The following UGDH variants were observed in gnomAD, a reference collection of about 807,000 sequenced individuals.
UGDH encodes the protein UDP-Glc dehydrogenase.
UGDH carries 38 observed loss-of-function variants against 50.6 expected under a neutral mutation model. The observed-to-expected ratio is 0.75, with a 90% CI of 0.58 to 0.98. UGDH has a LOEUF of 0.98. Ranked by LOEUF, UGDH falls within the 50% of genes least tolerant of loss-of-function variation. The pLI is 0.00. For missense variants in UGDH, 465 were observed against 606.2 expected (o/e 0.77, Z 2.45); for synonymous variants, 168 against 199.9 (o/e 0.84, Z 1.35).
At chr4:39,524,245 C>G (rs1746786366) in intron 1 of UGDH, among the ~76,000 whole-genome samples, 1 of 152,176 alleles carries the variant, frequency 6.6e-6, no homozygotes, top group African/African-American at 2.4e-5. Context: ...AATGTAGAAT[C>G]AGTGTCTACT....
intron 11 of UGDH, among the ~76,000 whole-genome samples, chr4:39,503,205 G>A (rs571373319): frequency 7.2e-5 from 11 of 152,066 alleles, no homozygotes; most frequent in East Asian, 5.8e-4. Flanking sequence ...GTGAGCCACC[G>A]CGCCCAGCAA....
At chr4:39,520,264 G>A (rs778201825) in intron 2 of UGDH, among the ~76,000 whole-genome samples, 14 of 152,152 alleles carry the variant, frequency 9.2e-5, no homozygotes, top group East Asian at 3.8e-4. Flanking sequence ...GCTTGAACAC[G>A]GAAGGCAGGT....
Position 39,505,352 on chromosome 4 carries a change from A to G in UGDH, c.1056T>C (p.Tyr352=), listed in dbSNP as rs1229675730. 9 of 1,571,750 alleles carry G rather than the reference A, an allele frequency of 5.7e-6. No individual in the cohort carries two copies. The Admixed American group carries it at 7.3e-5, about 13-fold the overall frequency. ...TGDTRESSSI[Y]ISKYLMDEGA... is the part of the protein sequence containing the mutation. ...CTTCATCCATCAAATATTTGCTAATATATATACTAGAAGATTCTCTATAGG... is the reference window on the plus strand; with the variant it reads ...CTTCATCCATCAAATATTTGCTAATGTATATACTAGAAGATTCTCTATAGG... Residue 352 remains tyrosine, a synonymous_variant, in exon 9 of 12, where the codon TAT becomes TAC. Transcript: ENST00000316423.
At chr4:39,513,083 C>T (rs1179813515) in intron 3 of UGDH, among the ~76,000 whole-genome samples, 3 of 152,184 alleles carry the variant, frequency 2.0e-5, no homozygotes, top group African/African-American at 7.2e-5. Context: ...GCTGGGATTA[C>T]AAGCATGAGC....
chr4:39,518,646 A>G (rs1352442268), intron 2 of UGDH, among the ~76,000 whole-genome samples: 1 of 150,292 alleles, frequency 6.7e-6, no homozygotes, highest in Non-Finnish European at 1.5e-5. Flanking sequence ...AAGAAAAGGA[A>G]CAGGGGTCTT....
intron 9 of UGDH, 150 bp downstream of exon 9, chr4:39,505,087 T>C (rs1745974708): frequency 1.4e-6 from 1 of 727,572 alleles, no homozygotes; most frequent in Non-Finnish European, 2.1e-6. Flanking sequence ...GTTGATGACA[T>C]TATGCCTAAG....
At chr4:39,509,706 T>C (rs997965352) in intron 6 of UGDH, 54 bp downstream of exon 6, 2 of 1,561,994 alleles carry the variant, frequency 1.3e-6, no homozygotes, top group Admixed American at 2.0e-5. Flanking sequence ...GCAAATAATA[T>C]GCCTTCAGTA....
At chr4:39,500,384 G>T in intron 11 of UGDH, 131 bp from the exon 12 acceptor site, 1 of 557,282 alleles carries the variant, frequency 1.8e-6, no homozygotes, top group Non-Finnish European at 3.2e-6. Flanking sequence ...TGTCTGAGTT[G>T]CTATGAGAGA....
At chr4:39,515,268 CTA>C (rs1001250036) in intron 2 of UGDH, among the ~76,000 whole-genome samples, 1 of 152,168 alleles carries the variant, frequency 6.6e-6, no homozygotes, top group African/African-American at 2.4e-5. Flanking sequence ...TAACCATTAA[CTA>C]TGAGTATCAA....
intron 1 of UGDH, 182 bp downstream of exon 1, chr4:39,527,100 TC>T: frequency 2.3e-6 from 3 of 1,289,218 alleles, no homozygotes; most frequent in Non-Finnish European, 3.0e-6. Context: ...GGACAGCAGT[TC>T]CAAAATGCGG....
At chr4:39,502,929 T>C (rs1291922768) in intron 11 of UGDH, among the ~76,000 whole-genome samples, 1 of 152,044 alleles carries the variant, frequency 6.6e-6, no homozygotes, top group Non-Finnish European at 1.5e-5. Flanking sequence ...ATTATTTTTT[T>C]TTCCCAAAAC....
chr4:39,521,647 G>A (rs189757025), intron 1 of UGDH, 128 bp from the exon 2 acceptor site: 19 of 743,552 alleles, frequency 2.6e-5, no homozygotes, highest in Admixed American at 2.4e-4. Flanking sequence ...TCCTACATTC[G>A]CTCTGAGGAA....
chr4:39,506,177 G>A (rs957474589), intron 7 of UGDH, among the ~76,000 whole-genome samples: 6 of 145,378 alleles, frequency 4.1e-5, no homozygotes, highest in Admixed American at 1.4e-4. Context: ...GCAGTGAGCC[G>A]AGATCATGCC....
intron 2 of UGDH, among the ~76,000 whole-genome samples, chr4:39,517,935 T>C (rs941484584): frequency 6.6e-6 from 1 of 152,158 alleles, no homozygotes; most frequent in African/African-American, 2.4e-5. Flanking sequence ...TTTGTTTGTT[T>C]GTTTGTTTTT....
chr4:39,520,520 A>G (rs557397605), intron 2 of UGDH, among the ~76,000 whole-genome samples: 1 of 152,078 alleles, frequency 6.6e-6, no homozygotes, highest in Non-Finnish European at 1.5e-5. Flanking sequence ...AGCTCAGTAA[A>G]ATAGTTAGAA....
Position 39,521,265 on chromosome 4 carries a change from A to G in UGDH, c.162+86T>C, listed in dbSNP as rs10025073. The G allele has an allele frequency of 1.7e-3, 2,265 of 1,319,766 alleles. 31 individuals are homozygous for G. In the African/African-American group the frequency reaches 0.03, roughly 18 times the overall value. The allele number at this position is 1,319,766 out of a possible 1,614,324, so 81.8% of individuals were successfully genotyped here. A position where few individuals can be genotyped will look rare whatever the true frequency, so the allele number is the denominator to read the frequency against. On this transcript the variant is annotated intron_variant, in intron 2 of 11. Transcript: ENST00000316423. The stretch of plus-strand genomic sequence containing the variant: ...AATTTCTTACCAGTTGCTGTTATAG[A>G]TTTTTATATTAATAGTGCATATAAA...
Position 39,499,689 on chromosome 4 carries a change from C to T in UGDH, c.*454G>A, listed in dbSNP as rs1388205863. On this transcript the variant is annotated 3_prime_UTR_variant, in exon 12 of 12. Transcript: ENST00000316423. ...ACCAGATATGCTAATATCCATATAGCTAGTATAAATCTGATGATTAAAAAA... is the reference window on the plus strand; with the variant it reads ...ACCAGATATGCTAATATCCATATAGTTAGTATAAATCTGATGATTAAAAAA... The T allele has an allele frequency of 6.6e-6, 1 of 152,382 alleles. No individual in the cohort carries two copies. Among genetic ancestry groups the T allele is most frequent in the African/African-American group, 2.4e-5 (1 of 41,366 alleles). 9.4% of individuals were successfully genotyped at this position (152,382 alleles called of 1,614,324 possible).
chr4:39,512,901 AG>A (rs1412243678), intron 3 of UGDH, among the ~76,000 whole-genome samples: 3 of 147,504 alleles, frequency 2.0e-5, no homozygotes, highest in Non-Finnish European at 4.4e-5. Context: ...GGCTCATTGC[AG>A]CCTCAACCTC....
At chr4:39,509,993 A>G (rs575389658) in intron 5 of UGDH, 86 bp from the exon 6 acceptor site, 1 of 1,420,888 alleles carries the variant, frequency 7.0e-7, no homozygotes, top group Admixed American at 2.7e-5. Context: ...GCGTTGACGC[A>G]AATTACTGAG....
Sources: allele counts gnomAD v4.1 joint callset (sites outside exome capture counted in the v4.1 genomes callset), GRCh38; gene constraint gnomAD v4.1.1; transcripts MANE v1.5; gene names NCBI Gene and HGNC (gene_info 2026-07-23, HGNC 2026-07-21).